HECW2: variants seen among roughly 807,000 people sequenced by gnomAD.
HECW2 encodes HECT, C2 and WW domain containing E3 ubiquitin protein ligase 2, also known as E3 ubiquitin-protein ligase HECW2.
Under a neutral mutation model 175.2 loss-of-function variants are expected in HECW2, and 61 were observed. That is an observed-to-expected ratio of 0.35 (90% confidence interval 0.28 to 0.43). The LOEUF (loss-of-function observed/expected upper bound fraction) is 0.43, where lower values mean the gene tolerates loss of function less well. HECW2 is among the 20% of genes least tolerant of loss of function. HECW2 has a pLI of 1.00. For synonymous variants in HECW2, 671 were observed against 731.0 expected (o/e 0.92, Z 1.32); for missense variants, 1,524 against 2,000.5 (o/e 0.76, Z 4.54).
At chr2:196,266,143 C>T (rs1689503884) in intron 17 of HECW2, among the ~76,000 whole-genome samples, 1 of 140,716 alleles carries the variant, frequency 7.1e-6, no homozygotes, top group Admixed American at 7.4e-5. Context: ...TGAACCTGTA[C>T]AACATAGCAA....
At chr2:196,388,834 G>A (rs1337677920) in intron 2 of HECW2, among the ~76,000 whole-genome samples, 2 of 152,176 alleles carry the variant, frequency 1.3e-5, no homozygotes, top group African/African-American at 4.8e-5. Context: ...ATTATTAGAG[G>A]TATATACTTC....
At chr2:196,414,755 C>T (rs988568785) in intron 2 of HECW2, among the ~76,000 whole-genome samples, 6 of 152,132 alleles carry the variant, frequency 3.9e-5, no homozygotes, top group African/African-American at 9.7e-5. Context: ...TTGTTGTGGG[C>T]GGATCCCCCA....
chr2:196,566,121 A>G (rs1690177735), intron 1 of HECW2, among the ~76,000 whole-genome samples: 1 of 152,158 alleles, frequency 6.6e-6, no homozygotes, highest in South Asian at 2.1e-4. Flanking sequence ...CCCATTTTAG[A>G]AGGAAAAAAA....
intron 10 of HECW2, 69 bp from the exon 11 acceptor site, chr2:196,308,154 T>G (rs1691341673): frequency 8.1e-7 from 1 of 1,240,338 alleles, no homozygotes; most frequent in South Asian, 1.8e-5. Context: ...GTTCATTAAG[T>G]TTGGCATGTG....
intron 2 of HECW2, among the ~76,000 whole-genome samples, chr2:196,396,016 C>A (rs968159848): frequency 6.6e-6 from 1 of 152,054 alleles, no homozygotes; most frequent in Non-Finnish European, 1.5e-5. Context: ...TATATACACA[C>A]AATGGAACAT....
intron 1 of HECW2, among the ~76,000 whole-genome samples, chr2:196,515,904 A>G (rs1471584975): frequency 6.6e-6 from 1 of 151,514 alleles, no homozygotes; most frequent in Non-Finnish European, 1.5e-5. Context: ...TAGGCGGATC[A>G]CTTGAGGTCA....
At chr2:196,247,692 A>C (rs1449435792) in intron 19 of HECW2, among the ~76,000 whole-genome samples, 2 of 152,234 alleles carry the variant, frequency 1.3e-5, no homozygotes, top group Non-Finnish European at 2.9e-5. Context: ...TTGCATAATC[A>C]TATACAAACT....
intron 1 of HECW2, among the ~76,000 whole-genome samples, chr2:196,521,027 T>C (rs993800041): frequency 3.9e-5 from 6 of 152,028 alleles, no homozygotes; most frequent in South Asian, 4.1e-4. Context: ...CATGCAACAC[T>C]AGGGTGGGTT....
intron 21 of HECW2, among the ~76,000 whole-genome samples, chr2:196,229,142 T>G (rs1194730354): frequency 1.3e-5 from 2 of 152,134 alleles, no homozygotes; most frequent in Non-Finnish European, 2.9e-5. Context: ...AGTATACACG[T>G]GGGCTCAAAG....
chr2:196,556,402 T>G (rs1014247712), intron 1 of HECW2, among the ~76,000 whole-genome samples: 5 of 152,176 alleles, frequency 3.3e-5, no homozygotes, highest in African/African-American at 1.2e-4. Context: ...CAGAATGTAT[T>G]CATCTTATAA....
At chr2:196,411,929 G>A (rs1023529315) in intron 2 of HECW2, among the ~76,000 whole-genome samples, 3 of 152,226 alleles carry the variant, frequency 2.0e-5, no homozygotes, top group Non-Finnish European at 1.5e-5. Context: ...AGAATCAGTT[G>A]AGCCCAGGAG....
chr2:196,326,557 C>A (rs2105781660), intron 5 of HECW2, among the ~76,000 whole-genome samples: 1 of 151,698 alleles, frequency 6.6e-6, no homozygotes, highest in Admixed American at 6.6e-5. Flanking sequence ...GATTCTCATA[C>A]CTCAGCCTCC....
In HECW2 at chr2:196,388,529, C is replaced by T. The variant is rs759564031; in HGVS notation, c.292+44603G>A. Among the ~76,000 whole-genome samples, 7 of 152,128 alleles carry T rather than the reference C, an allele frequency of 4.6e-5. No individual in the cohort carries two copies. In the South Asian group the frequency reaches 6.2e-4, roughly 14 times the overall value. Reference sequence around the variant, plus strand: ...GGGGGAAACTGAGACACAGAAGGTACGTAATATATCCATGGGTACACAACT... The same window carrying T: ...GGGGGAAACTGAGACACAGAAGGTATGTAATATATCCATGGGTACACAACT... On this transcript the variant is annotated intron_variant, in intron 2 of 28. Coordinates refer to ENST00000644978, the MANE Select transcript of HECW2 (RefSeq NM_001348768.2).
chr2:196,306,366 T>C (rs1197547327), intron 13 of HECW2, 122 bp downstream of exon 13: 3 of 1,066,774 alleles, frequency 2.8e-6, no homozygotes, highest in African/African-American at 3.2e-5. Flanking sequence ...AACACAAAGC[T>C]TGGAACACAC....
rs1687705274 is a variant in HECW2 at position 196,222,489 on chromosome 2, T to C, written c.4017-149A>G. On this transcript the variant is annotated intron_variant, in intron 23 of 28. Transcript: ENST00000644978. ...TGGAATGTTCTTAGTCCAAGTCCAG[T>C]AATTAAACCAAACCAGTGAAATAAT... 1.8e-5 allele frequency: 12 copies of C among 661,610 alleles called. No individual in the cohort carries two copies. In the East Asian group the frequency reaches 3.4e-4, roughly 19 times the overall value. 41.0% of individuals were successfully genotyped at this position (661,610 alleles called of 1,614,324 possible).
chr2:196,362,145 A>C, intron 2 of HECW2: 1 of 985,410 alleles, frequency 1.0e-6, no homozygotes, highest in Non-Finnish European at 1.2e-6. Context: ...CCTGCCTTTC[A>C]TCAAGACTTA....
At chr2:196,472,930 C>A (rs1452847498) in intron 1 of HECW2, among the ~76,000 whole-genome samples, 1 of 152,136 alleles carries the variant, frequency 6.6e-6, no homozygotes, top group Non-Finnish European at 1.5e-5. Context: ...TGGAAGGTAA[C>A]TTTTTTAAGG....
At chr2:196,473,199 T>C (rs1697284307) in intron 1 of HECW2, among the ~76,000 whole-genome samples, 1 of 152,204 alleles carries the variant, frequency 6.6e-6, no homozygotes, top group South Asian at 2.1e-4. Flanking sequence ...AAAGAACCAT[T>C]TGCATGTACT....
intron 21 of HECW2, among the ~76,000 whole-genome samples, chr2:196,230,282 C>A (rs546655119): frequency 1.3e-5 from 2 of 152,244 alleles, no homozygotes; most frequent in African/African-American, 4.8e-5. Flanking sequence ...CGCTGACCTA[C>A]TTCTGGCCTG....
Sources: gnomAD v4.1 joint callset for allele counts (sites outside exome capture counted in the v4.1 genomes callset) on GRCh38, gnomAD v4.1.1 for gene constraint, MANE v1.5 for transcripts, NCBI Gene and HGNC (gene_info 2026-07-23, HGNC 2026-07-21) for gene names.